The following PPIL3 variants were observed in gnomAD, a reference collection of about 807,000 sequenced individuals.
PPIL3 encodes the protein peptidyl-prolyl cis-trans isomerase-like 3.
PPIL3 carries 13 observed loss-of-function variants against 20.9 expected under a neutral mutation model. The ratio of observed to expected loss-of-function variants is 0.62; its 90% CI spans 0.40 to 0.99. PPIL3 has a LOEUF of 0.99. Among genes scored for constraint, PPIL3 ranks in the 50% least tolerant of loss-of-function variants. The pLI is 0.00. For synonymous variants in PPIL3, 71 were observed against 64.4 expected (o/e 1.10, Z -0.49); for missense variants, 170 against 195.2 (o/e 0.87, Z 0.77).
intron 6 of PPIL3, among the ~76,000 whole-genome samples, 163 bp from the exon 7 acceptor site, chr2:200,871,684 G>C (rs2039311843): frequency 6.6e-6 from 1 of 152,158 alleles, no homozygotes; most frequent in Non-Finnish European, 1.5e-5. Flanking sequence ...CATAGATATG[G>C]ATCAAAATTC....
At chr2:200,879,182 G>A (rs1189244733) in intron 5 of PPIL3, among the ~76,000 whole-genome samples, 4 of 151,756 alleles carry the variant, frequency 2.6e-5, no homozygotes, top group South Asian at 4.1e-4. Context: ...GCAGCAGCAC[G>A]ATCTCGGCTC....
chr2:200,882,144 C>G (rs1007169094), intron 4 of PPIL3, among the ~76,000 whole-genome samples, 198 bp downstream of exon 4: 1 of 152,198 alleles, frequency 6.6e-6, no homozygotes, highest in Non-Finnish European at 1.5e-5. Context: ...ACCTAGAGGA[C>G]AGGCTGATAG....
chr2:200,887,333 C>T (rs867496724), intron 2 of PPIL3, among the ~76,000 whole-genome samples: 3 of 136,182 alleles, frequency 2.2e-5, no homozygotes, highest in South Asian at 2.3e-4. Flanking sequence ...TGCAGTGAGC[C>T]GAGATTACAC....
intron 6 of PPIL3, among the ~76,000 whole-genome samples, chr2:200,872,512 A>C (rs1216926045): frequency 1.3e-5 from 2 of 152,112 alleles, no homozygotes; most frequent in African/African-American, 4.8e-5. Flanking sequence ...AGGTCACTGA[A>C]TGTTCCACCC....
At chr2:200,873,195 CT>C (rs533187117) in intron 6 of PPIL3, among the ~76,000 whole-genome samples, 21,705 of 140,518 alleles carry the variant, frequency 0.15, 1,724 homozygotes, top group African/African-American at 0.21. Flanking sequence ...GTATTTCTTT[CT>C]TTTTTTTTTT....
intron 5 of PPIL3, among the ~76,000 whole-genome samples, chr2:200,879,100 G>A (rs769649209): frequency 6.6e-6 from 1 of 152,010 alleles, no homozygotes; most frequent in Admixed American, 6.6e-5. Context: ...CAATCTTGGT[G>A]TATAAGGTGT....
At chr2:200,871,794 C>CA (rs1216831354) in intron 6 of PPIL3, among the ~76,000 whole-genome samples, 1 of 152,194 alleles carries the variant, frequency 6.6e-6, no homozygotes, top group Non-Finnish European at 1.5e-5. Flanking sequence ...CATACAGTGA[C>CA]AGAGAACAGC....
At chr2:200,872,233 G>T (rs1396692790) in intron 6 of PPIL3, among the ~76,000 whole-genome samples, 1 of 152,016 alleles carries the variant, frequency 6.6e-6, no homozygotes, top group Admixed American at 6.5e-5. Flanking sequence ...ATTACTATGG[G>T]CTATTATAAA....
chr2:200,889,015 G>A lies in PPIL3; in HGVS notation c.-130C>T, dbSNP rs569267480. The A allele has an allele frequency of 4.2e-6, 2 of 471,228 alleles. No homozygotes were observed. The highest frequency in any genetic ancestry group is 1.5e-5 in the South Asian group (1 of 64,570). The allele number at this position is 471,228 out of a possible 1,614,324, so 29.2% of individuals were successfully genotyped here. A position where few individuals can be genotyped will look rare whatever the true frequency, so the allele number is the denominator to read the frequency against. ...TTAAAACAGGAAAAATGCAATCGCA[G>A]ATGCCAGCAGAGGTCTGTTGGTTCA... On this transcript the variant is annotated 5_prime_UTR_variant, in exon 1 of 7. Transcript: ENST00000392283.
chr2:200,888,627 G>GTGAT (rs1419079341), intron 1 of PPIL3: 1 of 224,890 alleles, frequency 4.4e-6, no homozygotes, highest in Admixed American at 5.3e-5. Context: ...CCGGGTTCAA[G>GTGAT]TGATTGTCGT....
At chr2:200,872,024 A>T (rs1477569312) in intron 6 of PPIL3, among the ~76,000 whole-genome samples, 1 of 152,142 alleles carries the variant, frequency 6.6e-6, no homozygotes, top group African/African-American at 2.4e-5. Flanking sequence ...TTTAATTGTG[A>T]CACTAACTAC....
chr2:200,875,604 A>C (rs2039483886), intron 6 of PPIL3, among the ~76,000 whole-genome samples: 1 of 149,530 alleles, frequency 6.7e-6, no homozygotes, highest in Admixed American at 6.7e-5. Context: ...GAGATAGGGT[A>C]TCATTGTTGC....
chr2:200,875,518 G>A (rs984463515), intron 6 of PPIL3, among the ~76,000 whole-genome samples: 3 of 151,552 alleles, frequency 2.0e-5, no homozygotes, highest in East Asian at 1.9e-4. Flanking sequence ...TGCCCTCCTT[G>A]GCCTCCCAAA....
At chr2:200,879,414 C>A (rs575876849) in intron 5 of PPIL3, among the ~76,000 whole-genome samples, 1 of 152,078 alleles carries the variant, frequency 6.6e-6, no homozygotes. Flanking sequence ...CCACCGCGCC[C>A]GGCCTATATA....
intron 4 of PPIL3, chr2:200,881,846 G>C (rs1173343283): frequency 4.2e-6 from 1 of 236,344 alleles, no homozygotes; most frequent in Admixed American, 5.2e-5. Flanking sequence ...TTTAGGGGTA[G>C]GTGCTAATAA....
chr2:200,875,088 A>G (rs1474825113), intron 6 of PPIL3, among the ~76,000 whole-genome samples: 1 of 152,096 alleles, frequency 6.6e-6, no homozygotes, highest in Non-Finnish European at 1.5e-5. Context: ...TATAAAAGCA[A>G]CTCCCAGACA....
intron 1 of PPIL3, 109 bp downstream of exon 1, chr2:200,888,847 C>T: frequency 2.2e-6 from 1 of 454,472 alleles, no homozygotes; most frequent in South Asian, 1.6e-5. Flanking sequence ...ACAACAGCCT[C>T]GCCGCCCACT....
chr2:200,884,629 A>G (rs2124827310), intron 3 of PPIL3, among the ~76,000 whole-genome samples: 1 of 152,062 alleles, frequency 6.6e-6, no homozygotes, highest in Non-Finnish European at 1.5e-5. Flanking sequence ...AGTCCTATCT[A>G]CTTGGGAGGC....
In PPIL3 at chr2:200,881,253, T is replaced by C. The variant is rs142833708; in HGVS notation, c.240+168A>G. Reference sequence around the variant, plus strand: ...TTCCAGTACACATGTCAGGCTAGGATCACCATTTCTCAAGTCTCCCCGACA... The same window carrying C: ...TTCCAGTACACATGTCAGGCTAGGACCACCATTTCTCAAGTCTCCCCGACA... On this transcript the variant is annotated intron_variant, in intron 5 of 6. Transcript: ENST00000392283. Among the ~76,000 whole-genome samples the C allele has an allele frequency of 4.7e-4, 72 of 152,330 alleles. 1 individual carries two copies. The South Asian group carries it at 0.015, about 31-fold the overall frequency.
Sources: allele counts gnomAD v4.1 joint callset (sites outside exome capture counted in the v4.1 genomes callset), GRCh38; gene constraint gnomAD v4.1.1; transcripts MANE v1.5; gene names NCBI Gene and HGNC (gene_info 2026-07-23, HGNC 2026-07-21).